DSG2: variants seen among roughly 807,000 people sequenced by gnomAD.
DSG2 encodes desmoglein 2.
In DSG2, 45 loss-of-function variants were observed where a neutral mutation model predicts 75.6. The observed-to-expected ratio is 0.60, with a 90% CI of 0.47 to 0.76. DSG2 has a LOEUF of 0.76. Among genes scored for constraint, DSG2 ranks in the 30% least tolerant of loss-of-function variants. The pLI, the probability that DSG2 is intolerant of heterozygous loss-of-function variation, is 0.00. For missense variants in DSG2, 1,267 were observed against 1,357.4 expected (o/e 0.93, Z 1.05); for synonymous variants, 429 against 483.9 (o/e 0.89, Z 1.49).
chr18:31,536,889 TGG>T (rs1036680513), intron 11 of DSG2, among the ~76,000 whole-genome samples: 4 of 152,216 alleles, frequency 2.6e-5, no homozygotes, highest in Admixed American at 6.5e-5. Context: ...TTGGTTTAAC[TGG>T]GGGTAAGTAA....
rs117199081 is a variant in DSG2 at position 31,535,740 on chromosome 18, C to T, written c.1423+328C>T. Among the ~76,000 whole-genome samples the T allele has an allele frequency of 7.6e-3, 1,146 of 150,600 alleles. 8 individuals are homozygous for T. Among genetic ancestry groups the T allele is most frequent in the Non-Finnish European group, 0.012 (795 of 67,684 alleles). ...ACCCAGGAGGTAGAGGAGCGGAGAT[C>T]GCGCCAGACAAAGGGAGACTCCAAC... On this transcript the variant is annotated intron_variant, in intron 10 of 14. Transcript: ENST00000261590.
At chr18:31,499,138 A>C (rs1340387320) in intron 1 of DSG2, among the ~76,000 whole-genome samples, 2 of 152,080 alleles carry the variant, frequency 1.3e-5, no homozygotes, top group Non-Finnish European at 2.9e-5. Flanking sequence ...GGGTTTACTA[A>C]AGGGGTTTTA....
At chr18:31,519,958 T>C (rs751252975) in intron 3 of DSG2, 21 bp downstream of exon 3, 1 of 1,614,120 alleles carries the variant, frequency 6.2e-7, no homozygotes, top group Non-Finnish European at 8.5e-7. Flanking sequence ...AAGAGGAACA[T>C]GAAATACATG....
In DSG2 at chr18:31,545,875, G is replaced by T; in HGVS notation, c.2489G>T (p.Gly830Val). 6.2e-7 allele frequency: 1 copy of T among 1,614,028 alleles called. No homozygotes were observed. Among genetic ancestry groups the T allele is most frequent in the South Asian group, 1.1e-5 (1 of 91,080 alleles). The change falls in exon 15 of 15, where the codon GGA (glycine) becomes GTA (valine). Residue 830 changes from glycine (G) to valine (V), a missense_variant. Physicochemically the swap from Gly to Val is moderately radical, Grantham distance 109. Coordinates refer to ENST00000261590, the MANE Select transcript of DSG2 (RefSeq NM_001943.5). ...ELDDRFLDDL[G>V]LKFKTLAEVC... Reference sequence around the variant, plus strand: ...GATGACCGCTTCTTAGATGATTTGGGACTTAAATTCAAGACACTAGCTGAA... The same window carrying T: ...GATGACCGCTTCTTAGATGATTTGGTACTTAAATTCAAGACACTAGCTGAA...
rs139972476 is a variant in DSG2, at chr18:31,528,157, A to G, written c.1015-2830A>G. The stretch of plus-strand genomic sequence containing the variant: ...TTTGACAGTTTCTTTTAAAAGTTAC[A>G]CAAGAGTAGTTATATGACCCAATGA... On this transcript the variant is annotated intron_variant, in intron 8 of 14. Transcript: ENST00000261590. 1.1e-3 allele frequency among the ~76,000 whole-genome samples: 168 copies of G among 152,340 alleles called. 2 individuals carry two copies. Among genetic ancestry groups the G allele is most frequent in the African/African-American group, 3.9e-3 (162 of 41,584 alleles).
chr18:31,518,736 A>AG (rs992056619), intron 2 of DSG2, among the ~76,000 whole-genome samples: 4 of 152,102 alleles, frequency 2.6e-5, no homozygotes, highest in Admixed American at 2.6e-4. Context: ...AAAAAAAAAA[A>AG]TCAATGACCT....
At chr18:31,541,438 T>A in intron 13 of DSG2, 124 bp downstream of exon 13, 1 of 1,271,904 alleles carries the variant, frequency 7.9e-7, no homozygotes, top group Non-Finnish European at 1.1e-6. Context: ...CTCATGTGCC[T>A]TTGTTAAGCA....
Position 31,541,290 on chromosome 18 carries a change from T to C in DSG2, c.1977T>C (p.Asn659=). ...GTIEMLHPWN[N]EGAPPEDKVV... ...TAGAGATGCTGCATCCTTGGAATAATGAAGGAGCACCACCTGAAGACAAGG... is the reference window on the plus strand; with the variant it reads ...TAGAGATGCTGCATCCTTGGAATAACGAAGGAGCACCACCTGAAGACAAGG... Residue 659 remains asparagine (N), a synonymous_variant, in exon 13 of 15, where the codon AAT becomes AAC. Coordinates refer to ENST00000261590, the MANE Select transcript of DSG2 (RefSeq NM_001943.5). The C allele has an allele frequency of 6.2e-7, 1 of 1,614,068 alleles. No individual in the cohort carries two copies. Among genetic ancestry groups the C allele is most frequent in the Non-Finnish European group, 8.5e-7 (1 of 1,179,960 alleles).
chr18:31,538,450 A>G (rs2073245390), intron 11 of DSG2, among the ~76,000 whole-genome samples: 1 of 152,164 alleles, frequency 6.6e-6, no homozygotes, highest in African/African-American at 2.4e-5. Flanking sequence ...TTAACTCACC[A>G]CTTGTTTGTC....
chr18:31,541,354 G>A (rs201218279), intron 13 of DSG2, 40 bp downstream of exon 13: 186 of 1,610,660 alleles, frequency 1.2e-4, no homozygotes, highest in Non-Finnish European at 1.0e-4. Flanking sequence ...TCTTCTTCTT[G>A]GGTTTTAAAG....
In DSG2 at chr18:31,545,804, G is replaced by A. The variant is rs751831001; in HGVS notation, c.2418G>A (p.Ser806=). 1.7e-5 allele frequency: 28 copies of A among 1,614,056 alleles called. No individual in the cohort carries two copies. The highest frequency in any genetic ancestry group is 1.6e-4 in the Middle Eastern group (1 of 6,084). Residue 806 remains serine (S), a synonymous_variant, in exon 15 of 15, where the codon TCG becomes TCA. Coordinates refer to ENST00000261590, the MANE Select transcript of DSG2 (RefSeq NM_001943.5). ...TTTATTCTCAGGAAGAAACTGAATC[G>A]CTGAATGCTTCTATTGGTTGTTGCA... ...LLVYSQEETE[S]LNASIGCCSF...
intron 1 of DSG2, among the ~76,000 whole-genome samples, chr18:31,508,353 A>ATTTATTTTAT (rs199925165): frequency 2.2e-3 from 318 of 146,004 alleles, no homozygotes; most frequent in African/African-American, 5.4e-3. Context: ...GAACTGCCTG[A>ATTTATTTTAT]TTTATTTTAT....
intron 2 of DSG2, 105 bp from the exon 3 acceptor site, chr18:31,519,697 AC>A: frequency 1.7e-6 from 2 of 1,196,394 alleles, no homozygotes; most frequent in Non-Finnish European, 2.4e-6. Flanking sequence ...TACGAAGCAT[AC>A]CTTAAAATTT....
At chr18:31,541,402 G>A (rs140819281) in intron 13 of DSG2, 88 bp downstream of exon 13, 1 of 1,506,882 alleles carries the variant, frequency 6.6e-7, no homozygotes, top group East Asian at 2.3e-5. Flanking sequence ...TTGGTTGAGT[G>A]AGTAAAGTGA....
intron 1 of DSG2, among the ~76,000 whole-genome samples, chr18:31,512,151 G>A (rs1001819554): frequency 1.3e-5 from 2 of 151,876 alleles, no homozygotes; most frequent in South Asian, 2.1e-4. Context: ...ACATAAAAAC[G>A]GCTCTTACCT....
intron 1 of DSG2, among the ~76,000 whole-genome samples, chr18:31,506,850 T>C (rs1199342971): frequency 6.6e-6 from 1 of 152,242 alleles, no homozygotes; most frequent in African/African-American, 2.4e-5. Context: ...ATTGAAATTG[T>C]ATTTTAGTTA....
intron 6 of DSG2, among the ~76,000 whole-genome samples, chr18:31,523,301 T>G (rs1237673516): frequency 1.3e-5 from 2 of 152,188 alleles, no homozygotes; most frequent in South Asian, 2.1e-4. Context: ...CTCGGGAGGC[T>G]GAGGCAGGAG....
At chr18:31,498,822 G>C (rs937232467) in intron 1 of DSG2, among the ~76,000 whole-genome samples, 2 of 152,100 alleles carry the variant, frequency 1.3e-5, no homozygotes, top group South Asian at 4.1e-4. Context: ...TTTTTAAAAA[G>C]GTGTAATTTA....
chr18:31,529,089 CAT>C (rs1318509589), intron 8 of DSG2, among the ~76,000 whole-genome samples: 1 of 152,090 alleles, frequency 6.6e-6, no homozygotes, highest in Non-Finnish European at 1.5e-5. Context: ...TAAATAGTCA[CAT>C]GAGAAAAATT....
Sources: allele counts gnomAD v4.1 joint callset (sites outside exome capture counted in the v4.1 genomes callset), GRCh38; gene constraint gnomAD v4.1.1; transcripts MANE v1.5; gene names NCBI Gene and HGNC (gene_info 2026-07-23, HGNC 2026-07-21).